RPS6KA2: variants seen among roughly 807,000 people sequenced by gnomAD.
The protein encoded by RPS6KA2 is ribosomal protein S6 kinase A2, also known as ribosomal protein S6 kinase alpha-2.
A neutral mutation model predicts 91.8 loss-of-function variants in RPS6KA2; 42 were observed. The observed-to-expected ratio is 0.46, with a 90% CI of 0.36 to 0.59. RPS6KA2 has a LOEUF of 0.59. RPS6KA2 is among the 20% of genes least tolerant of loss of function. RPS6KA2 has a pLI of 0.00. For missense variants in RPS6KA2, 798 were observed against 978.5 expected (o/e 0.82, Z 2.46); for synonymous variants, 414 against 393.6 (o/e 1.05, Z -0.61).
chr6:166,778,810 G>A (rs1198508263), intron 2 of RPS6KA2, among the ~76,000 whole-genome samples: 5 of 152,172 alleles, frequency 3.3e-5, no homozygotes, highest in Non-Finnish European at 5.9e-5. Context: ...TTAATAAGAT[G>A]CGTCCACTCC....
At chr6:166,853,172 C>T (rs889664458) in intron 2 of RPS6KA2, among the ~76,000 whole-genome samples, 3 of 152,170 alleles carry the variant, frequency 2.0e-5, no homozygotes, top group Admixed American at 6.5e-5. Context: ...GGTGTGGTGG[C>T]TTATGCCTGT....
chr6:166,640,545 G>A (rs1787397772), intron 2 of RPS6KA2, among the ~76,000 whole-genome samples: 2 of 152,182 alleles, frequency 1.3e-5, no homozygotes, highest in Admixed American at 1.3e-4. Flanking sequence ...CTGCTCCGCT[G>A]GGTTTTTCCC....
intron 2 of RPS6KA2, among the ~76,000 whole-genome samples, chr6:166,654,879 C>G (rs1045292710): frequency 5.3e-5 from 8 of 152,188 alleles, no homozygotes; most frequent in African/African-American, 1.9e-4. Context: ...GATAACCTTT[C>G]CCATCGTAAT....
chr6:166,625,320 ACCACCC>A (rs1489051201), intron 1 of RPS6KA2, among the ~76,000 whole-genome samples: 4 of 22,680 alleles, frequency 1.8e-4, no homozygotes, highest in African/African-American at 8.4e-4. Flanking sequence ...TCCTATTCCC[ACCACCC>A]CCCCACCCCC....
Position 166,648,522 on chromosome 6 carries a change from G to A in RPS6KA2, c.124-109738C>T, listed in dbSNP as rs528312330. 6.6e-5 allele frequency among the ~76,000 whole-genome samples: 10 copies of A among 152,280 alleles called. No homozygotes were observed. The highest frequency in any genetic ancestry group is 2.4e-4 in the African/African-American group (10 of 41,534). Reference sequence around the variant, plus strand: ...CAGGCAGCTGGCACGGGAAGGGGACGGGCATTTAATAAATGTTTCTGGATT... The same window carrying A: ...CAGGCAGCTGGCACGGGAAGGGGACAGGCATTTAATAAATGTTTCTGGATT... On this transcript the variant is annotated intron_variant, in intron 2 of 21. Transcript: ENST00000503859. The surrounding 1 kb of genome is among the most constrained non-coding windows in gnomAD (Gnocchi z 4.8).
rs114948573 is a variant in RPS6KA2 at position 166,474,857 on chromosome 6, G to A, written c.908-4952C>T. Among the ~76,000 whole-genome samples the A allele has an allele frequency of 6.1e-3, 929 of 152,238 alleles. 12 individuals are homozygous for A. The highest frequency in any genetic ancestry group is 0.021 in the African/African-American group (884 of 41,516). On this transcript the variant is annotated intron_variant, in intron 10 of 20. Coordinates refer to ENST00000265678, the MANE Select transcript of RPS6KA2 (RefSeq NM_021135.6). ...CGCGAGCCTCTCCCATCTCAGCCGG[G>A]AGCAGCGCCAAGCACAGAGGGACCA... is the stretch of plus-strand genomic sequence containing the variant.
At chr6:166,599,609 A>G (rs187608302) in intron 1 of RPS6KA2, among the ~76,000 whole-genome samples, 225 of 152,328 alleles carry the variant, frequency 1.5e-3, no homozygotes, top group African/African-American at 5.1e-3. Flanking sequence ...ATGATGGGAT[A>G]TGTATCTCTA....
At chr6:166,745,307 A>G (rs1790967595) in intron 2 of RPS6KA2, among the ~76,000 whole-genome samples, 2 of 151,998 alleles carry the variant, frequency 1.3e-5, no homozygotes, top group South Asian at 4.2e-4. Flanking sequence ...GTGTGCCACC[A>G]TGCCTGGCTA....
Position 166,543,788 on chromosome 6 carries a change from CCCAT to C in RPS6KA2, c.100-5008_100-5005del, listed in dbSNP as rs145809634. Among the ~76,000 whole-genome samples, 1,222 of 152,384 alleles carry C rather than the reference CCCAT, an allele frequency of 8.0e-3. 14 individuals carry two copies. The highest frequency in any genetic ancestry group is 0.027 in the African/African-American group (1,125 of 41,592). On this transcript the variant is annotated intron_variant, in intron 1 of 20. Coordinates refer to ENST00000265678, the MANE Select transcript of RPS6KA2 (RefSeq NM_021135.6). Reference sequence around the variant, plus strand: ...GCTCCCAGAGGTCCAGTTCTAGAGGCCCATCCATCACAGGCAACTGTCCTGAGTG... The same window carrying C: ...GCTCCCAGAGGTCCAGTTCTAGAGGCCCATCACAGGCAACTGTCCTGAGTG...
In RPS6KA2 at chr6:166,767,187, C is replaced by T. The variant is rs2128605368; in HGVS notation, c.123+91013G>A. ...AAGAACCAGACTTTTGTATTTTATC[C>T]CCTAGACTCTGCCCAGTTTTTAATG... On this transcript the variant is annotated intron_variant, in intron 2 of 21. Coordinates refer to the RPS6KA2 transcript ENST00000503859. This position sits in a 1 kb window ranked among gnomAD's most constrained non-coding sequence, Gnocchi z 4.6. 6.6e-6 allele frequency among the ~76,000 whole-genome samples: 1 copy of T among 152,254 alleles called. No individual in the cohort carries two copies. The highest frequency in any genetic ancestry group is 1.5e-5 in the Non-Finnish European group (1 of 68,026).
At chr6:166,746,005 C>T (rs930205963) in intron 2 of RPS6KA2, among the ~76,000 whole-genome samples, 5 of 152,216 alleles carry the variant, frequency 3.3e-5, no homozygotes, top group Non-Finnish European at 5.9e-5. Flanking sequence ...TCTGAGCCAG[C>T]GGTGCTGCTG....
At chr6:166,486,174 G>C (rs192368590) in intron 10 of RPS6KA2, among the ~76,000 whole-genome samples, 1 of 152,204 alleles carries the variant, frequency 6.6e-6, no homozygotes, top group African/African-American at 2.4e-5. Context: ...ACTTTGCTGA[G>C]GGGGTCCCAG....
At chr6:166,696,947 C>T (rs1336082494) in intron 2 of RPS6KA2, among the ~76,000 whole-genome samples, 2 of 152,158 alleles carry the variant, frequency 1.3e-5, no homozygotes, top group African/African-American at 2.4e-5. Context: ...GAACTTACAC[C>T]ATGGGCCCTT....
In RPS6KA2 at chr6:166,849,997, C is replaced by A. The variant is rs1254126361; in HGVS notation, c.123+8203G>T. ...GCACTCACGCATGGCTCTGCTATGC[C>A]CACGGGGCCTCCGCCAGGGACGTGG... On this transcript the variant is annotated intron_variant, in intron 2 of 21. Transcript: ENST00000503859. The surrounding 1 kb of genome is among the most constrained non-coding windows in gnomAD (Gnocchi z 4.9). Among the ~76,000 whole-genome samples the A allele has an allele frequency of 6.6e-6, 1 of 152,094 alleles. No individual in the cohort carries two copies. Among genetic ancestry groups the A allele is most frequent in the Non-Finnish European group, 1.5e-5 (1 of 68,016 alleles).
chr6:166,675,795 C>T (rs1788603858), intron 2 of RPS6KA2, among the ~76,000 whole-genome samples: 1 of 152,078 alleles, frequency 6.6e-6, no homozygotes, highest in Non-Finnish European at 1.5e-5. Context: ...TTCACTTTTC[C>T]AGTTATTCCT....
chr6:166,469,934 A>G (rs1562516629), intron 10 of RPS6KA2, 29 bp from the exon 11 acceptor site: 1 of 1,598,180 alleles, frequency 6.3e-7, no homozygotes, highest in East Asian at 2.2e-5. Flanking sequence ...TGATCATCAG[A>G]ACAAATCCAA....
chr6:166,414,784 G>T (rs1411672653), intron 19 of RPS6KA2, among the ~76,000 whole-genome samples: 1 of 152,214 alleles, frequency 6.6e-6, no homozygotes, highest in Non-Finnish European at 1.5e-5. Flanking sequence ...TTAGAATGCG[G>T]CTGGGCGCGT....
chr6:166,528,933 G>T (rs1319922036), intron 3 of RPS6KA2, among the ~76,000 whole-genome samples: 1 of 152,224 alleles, frequency 6.6e-6, no homozygotes, highest in East Asian at 1.9e-4. Context: ...AGGTGCTGGA[G>T]AGGATGTGGA....
Position 166,459,627 on chromosome 6 carries a change from C to G in RPS6KA2, c.973-76G>C, listed in dbSNP as rs1265451644. 4 of 1,028,502 alleles carry G rather than the reference C, an allele frequency of 3.9e-6. No homozygotes were observed. In the East Asian group the frequency reaches 7.5e-5, roughly 19 times the overall value. 63.7% of individuals were successfully genotyped at this position (1,028,502 alleles called of 1,614,324 possible). A position where few individuals can be genotyped will look rare whatever the true frequency, so the allele number is the denominator to read the frequency against. On this transcript the variant is annotated intron_variant, in intron 11 of 20. Coordinates refer to ENST00000265678, the MANE Select transcript of RPS6KA2 (RefSeq NM_021135.6). The surrounding 1 kb of genome is among the most constrained non-coding windows in gnomAD (Gnocchi z 4.9). Reference sequence around the variant, plus strand: ...CCACAGAACACTGGGGACAGAGAAACCTGCTGTGGGGAGGGAAGGATGTTC... The same window carrying G: ...CCACAGAACACTGGGGACAGAGAAAGCTGCTGTGGGGAGGGAAGGATGTTC...
Sources: allele counts gnomAD v4.1 joint callset (sites outside exome capture counted in the v4.1 genomes callset), GRCh38; gene constraint gnomAD v4.1.1; non-coding constraint Gnocchi (gnomAD v3.1); transcripts MANE v1.5; gene names NCBI Gene and HGNC (gene_info 2026-07-23, HGNC 2026-07-21).